CCDC6: variants seen among roughly 807,000 people sequenced by gnomAD.
CCDC6 encodes the protein coiled-coil domain containing 6.
Under a neutral mutation model 56.6 loss-of-function variants are expected in CCDC6, and 20 were observed. The ratio of observed to expected loss-of-function variants is 0.35; its 90% CI spans 0.25 to 0.51. CCDC6 has a LOEUF of 0.51. CCDC6 is among the 20% of genes least tolerant of loss of function. The probability of loss-of-function intolerance (pLI) is 0.95; values close to 1 mark genes in which losing one functional copy is unlikely to be tolerated. For synonymous variants in CCDC6, 241 were observed against 234.4 expected (o/e 1.03, Z -0.26); for missense variants, 367 against 601.1 (o/e 0.61, Z 4.07).
At chr10:59,888,434 T>C (rs1206523908) in intron 1 of CCDC6, among the ~76,000 whole-genome samples, 1 of 152,230 alleles carries the variant, frequency 6.6e-6, no homozygotes, top group Non-Finnish European at 1.5e-5. Flanking sequence ...CCAGTCTGCA[T>C]ACCTACTGAG....
chr10:59,793,410 C>T (rs547736378), intron 8 of CCDC6, among the ~76,000 whole-genome samples: 28 of 152,274 alleles, frequency 1.8e-4, no homozygotes, highest in East Asian at 1.5e-3. Context: ...TCTTTCTTTC[C>T]GTGTGTGTCA....
chr10:59,851,457 C>G (rs1036839981), intron 2 of CCDC6, among the ~76,000 whole-genome samples: 3 of 152,030 alleles, frequency 2.0e-5, no homozygotes, highest in African/African-American at 7.2e-5. Context: ...AAATTTTGTG[C>G]AAGATTAACA....
chr10:59,812,174 C>A (rs1415334946), intron 5 of CCDC6, among the ~76,000 whole-genome samples: 2 of 151,880 alleles, frequency 1.3e-5, no homozygotes, highest in Non-Finnish European at 2.9e-5. Context: ...ACATCTTGGC[C>A]TCTTCCAAAA....
intron 3 of CCDC6, among the ~76,000 whole-genome samples, chr10:59,820,507 G>A (rs10821604): frequency 0.53 from 80,954 of 151,958 alleles, 22,924 homozygotes; most frequent in African/African-American, 0.73. Context: ...AGCCTATGAA[G>A]TAAAGGCTAT....
intron 1 of CCDC6, among the ~76,000 whole-genome samples, chr10:59,888,045 A>T (rs947875499): frequency 4.6e-5 from 7 of 152,058 alleles, no homozygotes; most frequent in Non-Finnish European, 8.8e-5. Context: ...AGCTGAAACC[A>T]CTCCATAGAT....
At chr10:59,856,156 T>C (rs750403236) in intron 1 of CCDC6, among the ~76,000 whole-genome samples, 1 of 152,066 alleles carries the variant, frequency 6.6e-6, no homozygotes. Context: ...AGTTCTTAGA[T>C]CTAATTGGGG....
chr10:59,835,773 C>G (rs2132645773), intron 2 of CCDC6, among the ~76,000 whole-genome samples: 1 of 152,190 alleles, frequency 6.6e-6, no homozygotes, highest in East Asian at 1.9e-4. Context: ...AAAAGAGAAA[C>G]ACGGCCAGGC....
chr10:59,880,506 G>A (rs1354491291), intron 1 of CCDC6, among the ~76,000 whole-genome samples: 1 of 152,198 alleles, frequency 6.6e-6, no homozygotes, highest in Non-Finnish European at 1.5e-5. Context: ...ACCCTTGGAG[G>A]GATAATGGCC....
At chr10:59,878,018 T>G (rs1266247379) in intron 1 of CCDC6, among the ~76,000 whole-genome samples, 1 of 152,244 alleles carries the variant, frequency 6.6e-6, no homozygotes, top group East Asian at 1.9e-4. Context: ...TTCGGGTATC[T>G]ATGGAATTTA....
intron 2 of CCDC6, among the ~76,000 whole-genome samples, chr10:59,837,657 A>T (rs1292869311): frequency 1.3e-5 from 2 of 150,384 alleles, no homozygotes; most frequent in Admixed American, 6.7e-5. Flanking sequence ...GAGGCAGGAG[A>T]ATCACTTGAA....
In CCDC6 at chr10:59,812,909, T is replaced by C. The variant is rs1171579692; in HGVS notation, c.687-114A>G. ...GCAAACTCCTGTTTACTGCCAGAATTCACAGGGTTGCTTAATTCCTCTGCC... is the reference window on the plus strand; with the variant it reads ...GCAAACTCCTGTTTACTGCCAGAATCCACAGGGTTGCTTAATTCCTCTGCC... On this transcript the variant is annotated intron_variant, in intron 4 of 8. Transcript: ENST00000263102. 8.6e-6 allele frequency: 6 copies of C among 701,010 alleles called. No homozygotes were observed. The African/African-American group carries it at 1.1e-4, about 13-fold the overall frequency. 43.4% of individuals were successfully genotyped at this position (701,010 alleles called of 1,614,324 possible).
chr10:59,826,192 C>T (rs968397739), intron 3 of CCDC6, among the ~76,000 whole-genome samples: 2 of 152,180 alleles, frequency 1.3e-5, no homozygotes, highest in African/African-American at 4.8e-5. Flanking sequence ...CACCACACAG[C>T]AGATACCAAA....
At chr10:59,871,820 C>T (rs892887324) in intron 1 of CCDC6, among the ~76,000 whole-genome samples, 2 of 152,016 alleles carry the variant, frequency 1.3e-5, no homozygotes, top group Non-Finnish European at 2.9e-5. Flanking sequence ...AAAATTCCCA[C>T]TAAGTATTCC....
intron 5 of CCDC6, among the ~76,000 whole-genome samples, chr10:59,810,748 CTAGAA>C (rs1162117469): frequency 6.6e-6 from 1 of 151,976 alleles, no homozygotes; most frequent in Non-Finnish European, 1.5e-5. Flanking sequence ...CTGTATGGTG[CTAGAA>C]TAGTGATTCC....
chr10:59,816,834 G>A (rs1456192486), intron 3 of CCDC6, among the ~76,000 whole-genome samples: 3 of 152,012 alleles, frequency 2.0e-5, no homozygotes, highest in African/African-American at 7.3e-5. Flanking sequence ...GCACCTTATA[G>A]GCCATCAATA....
chr10:59,797,659 T>TGAGAGA (rs373439987), intron 7 of CCDC6, among the ~76,000 whole-genome samples: 3 of 108,816 alleles, frequency 2.8e-5, no homozygotes, highest in South Asian at 3.4e-4. Context: ...CATGAGTGAG[T>TGAGAGA]GAGAGAGAGA....
At chr10:59,889,890 G>A (rs1321496733) in intron 1 of CCDC6, among the ~76,000 whole-genome samples, 1 of 152,216 alleles carries the variant, frequency 6.6e-6, no homozygotes, top group East Asian at 1.9e-4. Flanking sequence ...GCTTATCCCT[G>A]GGTTGTCTCA....
At chr10:59,806,723 T>C in intron 6 of CCDC6, 199 bp downstream of exon 6, 2 of 460,382 alleles carry the variant, frequency 4.3e-6, no homozygotes, top group South Asian at 1.1e-4. Context: ...GTGATTTTTT[T>C]CATCTTTTTG....
At chr10:59,895,059 T>C (rs2071451481) in intron 1 of CCDC6, among the ~76,000 whole-genome samples, 1 of 152,156 alleles carries the variant, frequency 6.6e-6, no homozygotes, top group Non-Finnish European at 1.5e-5. Context: ...CCCAGGACTT[T>C]GGGAGGCCAA....
Sources: allele counts gnomAD v4.1 joint callset (sites outside exome capture counted in the v4.1 genomes callset), GRCh38; gene constraint gnomAD v4.1.1; transcripts MANE v1.5; gene names NCBI Gene and HGNC (gene_info 2026-07-23, HGNC 2026-07-21).